Variants in NTNG1 observed in about 807,000 individuals in gnomAD.
The protein encoded by NTNG1 is netrin-G1.
NTNG1 carries 16 observed loss-of-function variants against 54.0 expected under a neutral mutation model. The observed-to-expected ratio is 0.30, with a 90% CI of 0.20 to 0.45. NTNG1 has a LOEUF of 0.45. Ranked by LOEUF, NTNG1 falls within the 20% of genes least tolerant of loss-of-function variation. The pLI is 1.00. For synonymous variants in NTNG1, 255 were observed against 263.1 expected (o/e 0.97, Z 0.30); for missense variants, 530 against 678.7 (o/e 0.78, Z 2.43).
At chr1:107,394,887 G>A (rs779751424) in intron 3 of NTNG1, among the ~76,000 whole-genome samples, 1 of 152,062 alleles carries the variant, frequency 6.6e-6, no homozygotes, top group Non-Finnish European at 1.5e-5. Flanking sequence ...GTTATCTTGC[G>A]GGAGCTTCAG....
chr1:107,400,242 C>T (rs1672935783), intron 4 of NTNG1, among the ~76,000 whole-genome samples: 1 of 152,070 alleles, frequency 6.6e-6, no homozygotes, highest in African/African-American at 2.4e-5. Context: ...CTCATTGAAG[C>T]CTACCTAGAC....
intron 7 of NTNG1, 103 bp from the exon 8 acceptor site, chr1:107,480,507 GA>G (rs1558031480): frequency 1.1e-5 from 8 of 722,326 alleles, no homozygotes; most frequent in South Asian, 1.9e-5. Context: ...GATCGATAGA[GA>G]TTTTTTTTTT....
intron 7 of NTNG1, among the ~76,000 whole-genome samples, chr1:107,439,022 G>C (rs1321537952): frequency 6.6e-6 from 1 of 152,142 alleles, no homozygotes. Context: ...GGCACAGAAG[G>C]ATGAAAAGAG....
chr1:107,211,631 T>G (rs1286792974), intron 2 of NTNG1, among the ~76,000 whole-genome samples: 2 of 152,090 alleles, frequency 1.3e-5, no homozygotes, highest in East Asian at 3.9e-4. Flanking sequence ...AGAAAGCAGG[T>G]GATGAGATCT....
intron 2 of NTNG1, among the ~76,000 whole-genome samples, chr1:107,189,350 CA>C (rs34104583): frequency 4.4e-5 from 5 of 113,218 alleles, no homozygotes; most frequent in African/African-American, 6.5e-5. Context: ...GACCTTGTCT[CA>C]AAAAAAAAAA....
chr1:107,374,677 C>G (rs937961062), intron 3 of NTNG1, among the ~76,000 whole-genome samples: 1 of 151,950 alleles, frequency 6.6e-6, no homozygotes, highest in African/African-American at 2.4e-5. Flanking sequence ...TCTGCTAATT[C>G]CAATATATGT....
At position 107,386,110 on chromosome 1, in the gene NTNG1, C is replaced by CAT. The variant is rs890462475; in HGVS notation, c.888-9036_888-9035dup. Among the ~76,000 whole-genome samples, 30 of 143,674 alleles carry CAT rather than the reference C, an allele frequency of 2.1e-4. No individual in the cohort carries two copies. The East Asian group carries it at 4.8e-3, about 23-fold the overall frequency. 94.3% of individuals were successfully genotyped at this position (143,674 alleles called of 152,430 possible). ...TTATATGTATGTATATATATATACA[C>CAT]ATATATATACTTATATGTATGTATA... is the stretch of plus-strand genomic sequence containing the variant. On this transcript the variant is annotated intron_variant, in intron 3 of 7. Coordinates refer to ENST00000370068, the MANE Select transcript of NTNG1 (RefSeq NM_001113226.3).
chr1:107,274,992 A>G (rs1664370109), intron 2 of NTNG1, among the ~76,000 whole-genome samples: 1 of 152,108 alleles, frequency 6.6e-6, no homozygotes, highest in Non-Finnish European at 1.5e-5. Context: ...AGCTCTTACC[A>G]TATCTTTGTG....
intron 4 of NTNG1, among the ~76,000 whole-genome samples, chr1:107,402,909 A>T (rs142596083): frequency 6.6e-6 from 1 of 152,056 alleles, no homozygotes; most frequent in African/African-American, 2.4e-5. Context: ...TTTCCTCTCA[A>T]TTTGAAGCAT....
chr1:107,339,572 C>T (rs974628755), intron 3 of NTNG1, among the ~76,000 whole-genome samples: 2 of 151,988 alleles, frequency 1.3e-5, no homozygotes, highest in African/African-American at 4.8e-5. Context: ...ACTTTAGTAG[C>T]AATTTATGTT....
intron 3 of NTNG1, among the ~76,000 whole-genome samples, chr1:107,392,069 G>T (rs767720975): frequency 2.0e-5 from 3 of 152,134 alleles, no homozygotes; most frequent in African/African-American, 7.2e-5. Flanking sequence ...GGAAGCCAAA[G>T]AGTTTAGTTT....
intron 2 of NTNG1, among the ~76,000 whole-genome samples, chr1:107,155,256 C>T (rs916661088): frequency 7.9e-5 from 12 of 151,858 alleles, no homozygotes; most frequent in Non-Finnish European, 1.6e-4. Flanking sequence ...ATGAAGCCCT[C>T]GTGTCATCTC....
At chr1:107,439,222 G>A (rs909225205) in intron 7 of NTNG1, among the ~76,000 whole-genome samples, 2 of 151,896 alleles carry the variant, frequency 1.3e-5, no homozygotes, top group African/African-American at 4.8e-5. Flanking sequence ...GAGCTTTCCA[G>A]GATAGGAATC....
chr1:107,239,161 T>C (rs1661635636), intron 2 of NTNG1, among the ~76,000 whole-genome samples: 2 of 152,128 alleles, frequency 1.3e-5, no homozygotes, highest in South Asian at 4.1e-4. Context: ...GAGTTAGGCC[T>C]AGAAGGAGTA....
chr1:107,221,513 A>G (rs1055503817), intron 2 of NTNG1, among the ~76,000 whole-genome samples: 1 of 152,266 alleles, frequency 6.6e-6, no homozygotes, highest in Middle Eastern at 3.4e-3. Context: ...CTGAAGTCAA[A>G]CTTTCCTGAC....
chr1:107,232,720 T>C (rs1475434498), intron 2 of NTNG1, among the ~76,000 whole-genome samples: 1 of 152,216 alleles, frequency 6.6e-6, no homozygotes, highest in Non-Finnish European at 1.5e-5. Context: ...GTAATCACCA[T>C]TGATTGCCTA....
chr1:107,269,885 T>G (rs542741087), intron 2 of NTNG1, among the ~76,000 whole-genome samples: 4 of 152,254 alleles, frequency 2.6e-5, no homozygotes, highest in Non-Finnish European at 5.9e-5. Flanking sequence ...ATCAGCAGCT[T>G]TAAACAGTTC....
intron 3 of NTNG1, among the ~76,000 whole-genome samples, chr1:107,362,789 C>A (rs1317423476): frequency 6.6e-6 from 1 of 152,120 alleles, no homozygotes; most frequent in Non-Finnish European, 1.5e-5. Context: ...TCAATTTAAG[C>A]AAAAATAGAA....
chr1:107,295,426 G>C (rs1188178681), intron 2 of NTNG1, among the ~76,000 whole-genome samples: 1 of 152,124 alleles, frequency 6.6e-6, no homozygotes, highest in African/African-American at 2.4e-5. Context: ...TTTGTCACTA[G>C]TTTCCCTGTG....
Sources: gnomAD v4.1 joint callset for allele counts (sites outside exome capture counted in the v4.1 genomes callset) on GRCh38, gnomAD v4.1.1 for gene constraint, MANE v1.5 for transcripts, NCBI Gene and HGNC (gene_info 2026-07-23, HGNC 2026-07-21) for gene names.